The following ADGRE3 variants were observed in gnomAD, a reference collection of about 807,000 sequenced individuals.
The protein encoded by ADGRE3 is EGF-like module receptor 3.
Under a neutral mutation model 80.1 loss-of-function variants are expected in ADGRE3, and 88 were observed. The ratio of observed to expected loss-of-function variants is 1.10; its 90% CI spans 0.93 to 1.31. The LOEUF is 1.31. Ranked by LOEUF, ADGRE3 falls within the 40% of genes most tolerant of loss-of-function variation. The pLI is 0.00. For missense variants in ADGRE3, 715 were observed against 776.5 expected (o/e 0.92, Z 0.94); for synonymous variants, 281 against 294.8 (o/e 0.95, Z 0.48).
intron 5 of ADGRE3, among the ~76,000 whole-genome samples, chr19:14,657,019 C>T (rs1334272456): frequency 6.6e-6 from 1 of 152,088 alleles, no homozygotes; most frequent in Non-Finnish European, 1.5e-5. Flanking sequence ...CTTCAGCCTC[C>T]TGAGTAGCTG....
chr19:14,628,611 G>A (rs1197428865), intron 14 of ADGRE3: 3 of 243,026 alleles, frequency 1.2e-5, no homozygotes, highest in Non-Finnish European at 2.5e-5. Flanking sequence ...TCTCTTTAAC[G>A]AGGCAGTTAA....
chr19:14,611,312 A>AC, the ADGRE3 span, among the ~76,000 whole-genome samples: 1 of 151,094 alleles, frequency 6.6e-6, no homozygotes, highest in Non-Finnish European at 1.5e-5. Flanking sequence ...TGAGGTTTGC[A>AC]CAAGCTAAGT....
the ADGRE3 span, among the ~76,000 whole-genome samples, chr19:14,612,372 G>C: frequency 6.6e-6 from 1 of 152,086 alleles, no homozygotes; most frequent in Non-Finnish European, 1.5e-5. Context: ...GTCTCGCTCT[G>C]TCACTCAGGC....
rs541717234 is a variant in ADGRE3 at position 14,665,224 on chromosome 19, C to T, written c.77-1684G>A. Among the ~76,000 whole-genome samples the T allele has an allele frequency of 2.4e-4, 36 of 151,724 alleles. No homozygotes were observed. The South Asian group carries it at 3.2e-3, about 13-fold the overall frequency. On this transcript the variant is annotated intron_variant, in intron 2 of 15. Coordinates refer to ENST00000253673, the MANE Select transcript of ADGRE3 (RefSeq NM_032571.5). ...GACTAGAGGTGCCCGCCACCACGCC[C>T]GGCTAATTTTTGTATTTTTAGTAGA...
At chr19:14,631,421 G>A (rs2146814921) in intron 13 of ADGRE3, among the ~76,000 whole-genome samples, 1 of 151,270 alleles carries the variant, frequency 6.6e-6, no homozygotes, top group African/African-American at 2.4e-5. Flanking sequence ...ATTACATTGT[G>A]TCGACAGACA....
chr19:14,618,939 A>G (rs1262257790), downstream of ADGRE3, among the ~76,000 whole-genome samples: 1 of 150,424 alleles, frequency 6.6e-6, no homozygotes, highest in Non-Finnish European at 1.5e-5. Context: ...GAGTGAGTTT[A>G]AAGAGCAAGT....
intron 1 of ADGRE3, among the ~76,000 whole-genome samples, chr19:14,669,448 T>C (rs769679545): frequency 3.3e-5 from 5 of 152,176 alleles, no homozygotes; most frequent in Non-Finnish European, 5.9e-5. Context: ...AGTGCTGCCA[T>C]AGACATATGA....
chr19:14,668,502 C>G (rs1482866567), intron 2 of ADGRE3: 1 of 455,372 alleles, frequency 2.2e-6, no homozygotes, highest in Admixed American at 3.9e-5. Context: ...CTTTGTCTCT[C>G]CCCACTAGAA....
chr19:14,655,036 T>C lies in ADGRE3; in HGVS notation c.523A>G (p.Thr175Ala). ...TTTTGTTCTGGATCTTTCAAGGCAG[T>C]TTCTAGAACTTTCGATTCCACATCC... ...LRDVESKVLE[T>A]ALKDPEQKVL... Residue 175 changes from threonine (T) to alanine (A), a missense_variant, in exon 6 of 16, where the codon ACT becomes GCT. Physicochemically the swap from Thr to Ala is moderately conservative, Grantham distance 58. Transcript: ENST00000253673. 1 of 1,614,100 alleles carries C rather than the reference T, an allele frequency of 6.2e-7. No individual in the cohort carries two copies. The highest frequency in any genetic ancestry group is 8.5e-7 in the Non-Finnish European group (1 of 1,179,998).
At chr19:14,660,998 G>T (rs1022057638) in intron 4 of ADGRE3, among the ~76,000 whole-genome samples, 5 of 136,056 alleles carry the variant, frequency 3.7e-5, no homozygotes, top group South Asian at 4.9e-4. Context: ...CTGGGGTGCA[G>T]TGGCGGGATC....
chr19:14,663,571 A>G (rs1383158024), intron 2 of ADGRE3, 31 bp from the exon 3 acceptor site: 3 of 1,600,308 alleles, frequency 1.9e-6, no homozygotes, highest in Non-Finnish European at 2.6e-6. Flanking sequence ...GGTTAAATGG[A>G]CTGGGGTCAC....
chr19:14,637,068 T>G (rs562337308), intron 11 of ADGRE3, among the ~76,000 whole-genome samples: 1 of 152,202 alleles, frequency 6.6e-6, no homozygotes, highest in African/African-American at 2.4e-5. Flanking sequence ...GACTCCAGCC[T>G]GGGCAACAAG....
At chr19:14,652,717 G>T (rs890035802) in intron 6 of ADGRE3, among the ~76,000 whole-genome samples, 3 of 147,676 alleles carry the variant, frequency 2.0e-5, no homozygotes, top group South Asian at 2.1e-4. Flanking sequence ...GGCAGAGGTT[G>T]CAGTGACCTA....
the ADGRE3 span, among the ~76,000 whole-genome samples, chr19:14,613,967 T>C: frequency 6.6e-6 from 1 of 152,132 alleles, no homozygotes; most frequent in Admixed American, 6.5e-5. Context: ...ATTACAGGTG[T>C]GAGCCACTGC....
rs188397074 is a variant in ADGRE3 at position 14,674,728 on chromosome 19, T to G, written c.25+18A>C. Reference sequence around the variant, plus strand: ...GGGGGATAGGTTAAGCCTCAGTCATTGTTACAGTCACACATACCTGGAAGA... The same window carrying G: ...GGGGGATAGGTTAAGCCTCAGTCATGGTTACAGTCACACATACCTGGAAGA... On this transcript the variant is annotated intron_variant, in intron 1 of 15. Transcript: ENST00000253673. The G allele has an allele frequency of 8.4e-4, 1,348 of 1,612,780 alleles. 9 individuals are homozygous for G. Among genetic ancestry groups the G allele is most frequent in the Middle Eastern group, 6.8e-3 (41 of 6,058 alleles).
Position 14,636,080 on chromosome 19 carries a change from C to CTT in ADGRE3, c.1484+2024_1484+2025insAA, listed in dbSNP as rs1568481116. ...TCCTTCCTTTCCTTTCCTTTCCTTT[C>CTT]CCTTTCTTTCTTTCTTTCTTTCTTT... On this transcript the variant is annotated intron_variant, in intron 11 of 15. Coordinates refer to ENST00000253673, the MANE Select transcript of ADGRE3 (RefSeq NM_032571.5). Among the ~76,000 whole-genome samples, 388 of 42,656 alleles carry CTT rather than the reference C, an allele frequency of 9.1e-3. 29 individuals are homozygous for CTT. Among genetic ancestry groups the CTT allele is most frequent in the African/African-American group, 0.01 (129 of 12,464 alleles). The allele number at this position is 42,656 out of a possible 152,430, so 28.0% of individuals were successfully genotyped here. A position where few individuals can be genotyped will look rare whatever the true frequency, so the allele number is the denominator to read the frequency against.
chr19:14,633,177 T>G, intron 12 of ADGRE3, 59 bp downstream of exon 12: 1 of 1,493,022 alleles, frequency 6.7e-7, no homozygotes, highest in South Asian at 1.2e-5. Flanking sequence ...TGTACCATCT[T>G]GTACCCAGCA....
chr19:14,609,288 G>A, the ADGRE3 span, among the ~76,000 whole-genome samples: 1 of 152,262 alleles, frequency 6.6e-6, no homozygotes, highest in South Asian at 2.1e-4. Flanking sequence ...CATCCCAGTG[G>A]TCTCTGTTGG....
At chr19:14,663,710 A>G (rs1219098092) in intron 2 of ADGRE3, among the ~76,000 whole-genome samples, 170 bp from the exon 3 acceptor site, 1 of 152,064 alleles carries the variant, frequency 6.6e-6, no homozygotes, top group African/African-American at 2.4e-5. Flanking sequence ...GTGGTGGTGC[A>G]TGCCTATAAT....
Sources: allele counts gnomAD v4.1 joint callset (sites outside exome capture counted in the v4.1 genomes callset), GRCh38; gene constraint gnomAD v4.1.1; transcripts MANE v1.5; gene names NCBI Gene and HGNC (gene_info 2026-07-23, HGNC 2026-07-21).